The following DTNA variants were observed in gnomAD, a reference collection of about 807,000 sequenced individuals.
DTNA encodes the protein dystrobrevin alpha.
Under a neutral mutation model 100.7 loss-of-function variants are expected in DTNA, and 43 were observed. The ratio of observed to expected loss-of-function variants is 0.43; its 90% CI spans 0.33 to 0.55. The LOEUF is 0.55. DTNA is among the 20% of genes least tolerant of loss of function. The pLI, the probability that DTNA is intolerant of heterozygous loss-of-function variation, is 0.04. For synonymous variants in DTNA, 349 were observed against 347.9 expected, an observed-to-expected ratio of 1.00 and a Z score of -0.04; for missense variants, 798 against 953.9, an observed-to-expected ratio of 0.84 and a Z score of 2.15.
chr18:34,800,716 A>G lies in DTNA; in HGVS notation c.363-5503A>G, dbSNP rs77917936. 2.2e-3 allele frequency among the ~76,000 whole-genome samples: 331 copies of G among 152,354 alleles called. 1 individual carries two copies. The highest frequency in any genetic ancestry group is 3.9e-3 in the Non-Finnish European group (268 of 68,026). On this transcript the variant is annotated intron_variant, in intron 4 of 22. Coordinates refer to ENST00000444659, the MANE Select transcript of DTNA (RefSeq NM_001386795.1). The stretch of plus-strand genomic sequence containing the variant: ...TCTGTTTAAGAAAGAATCAGTCAGA[A>G]TTGAATCTTACTTAAAAGAACTTCA...
At chr18:34,621,205 T>A (rs1327954895) in intron 1 of DTNA, among the ~76,000 whole-genome samples, 1 of 148,602 alleles carries the variant, frequency 6.7e-6, no homozygotes, top group East Asian at 1.9e-4. Flanking sequence ...ATGTAATATA[T>A]GTACATATTG....
intron 17 of DTNA, among the ~76,000 whole-genome samples, chr18:34,865,385 G>A (rs902526255): frequency 6.7e-6 from 1 of 149,336 alleles, no homozygotes; most frequent in East Asian, 2.0e-4. Context: ...TTTTTTGAAA[G>A]CTACTTTGTC....
chr18:34,737,781 C>A (rs2089911868), intron 1 of DTNA: 1 of 152,160 alleles, frequency 6.6e-6, no homozygotes, highest in Admixed American at 6.6e-5. Context: ...AGCCACGTGA[C>A]CCGGCTGTAG....
chr18:34,755,911 A>G, intron 1 of DTNA, 65 bp from the exon 2 acceptor site: 1 of 1,423,064 alleles, frequency 7.0e-7, no homozygotes, highest in Non-Finnish European at 9.9e-7. Flanking sequence ...GTACGTTTAC[A>G]GAGAAATGGC....
In DTNA at chr18:34,820,834, T is replaced by C. The variant is rs2095696589; in HGVS notation, c.920T>C (p.Leu307Pro). Residue 307 changes from leucine to proline, a missense_variant, in exon 9 of 23, where the codon CTG becomes CCG. Leu to Pro is a moderately conservative substitution (Grantham distance 98). Transcript: ENST00000444659. ...KKLTNALSKS[L>P]SCASSREPLH... ...CTGACTAATGCATTAAGCAAGTCCC[T>C]GAGCTGTGCTTCCAGCCGTGAACCT... 6.2e-7 allele frequency: 1 copy of C among 1,614,068 alleles called. No homozygotes were observed. Among genetic ancestry groups the C allele is most frequent in the African/African-American group, 1.3e-5 (1 of 74,932 alleles).
intron 1 of DTNA, among the ~76,000 whole-genome samples, chr18:34,518,571 T>C (rs1201235519): frequency 1.3e-5 from 2 of 152,052 alleles, no homozygotes; most frequent in African/African-American, 4.8e-5. Flanking sequence ...AAGTCTATGA[T>C]CTATTTGGAG....
Position 34,882,180 on chromosome 18 carries a change from G to C in DTNA, c.2274G>C (p.Lys758Asn). The C allele has an allele frequency of 6.2e-7, 1 of 1,613,942 alleles. No homozygotes were observed. The highest frequency in any genetic ancestry group is 1.7e-4 in the Middle Eastern group (1 of 6,058). Residue 758 changes from lysine (K) to asparagine (N), a missense_variant, in exon 21 of 23, where the codon AAG becomes AAC. By Grantham distance (94) the Lys-to-Asn change is moderately conservative. Coordinates refer to ENST00000444659, the MANE Select transcript of DTNA (RefSeq NM_001386795.1). Reference protein sequence around the residue: ...ELQMEEYLKQKLQDEAYQVSL... With the variant: ...ELQMEEYLKQNLQDEAYQVSL... ...AGATGGAGGAATACCTGAAACAGAA[G>C]CTGCAAGATGAAGCTTATCAGGTAC...
intron 1 of DTNA, among the ~76,000 whole-genome samples, chr18:34,629,188 A>C (rs1043808516): frequency 6.6e-6 from 1 of 152,160 alleles, no homozygotes; most frequent in Non-Finnish European, 1.5e-5. Context: ...GCTTCAATTA[A>C]AACACAAAAA....
Position 34,890,018 on chromosome 18 carries a change from G to A in DTNA, c.*2284G>A, listed in dbSNP as rs572676041. ...ATAATGCTGTCAGCTCAAAATCATAGCCAGGTAGTTCTTGAACTCAGAACT... is the reference window on the plus strand; with the variant it reads ...ATAATGCTGTCAGCTCAAAATCATAACCAGGTAGTTCTTGAACTCAGAACT... On this transcript the variant is annotated 3_prime_UTR_variant, in exon 23 of 23. Coordinates refer to ENST00000444659, the MANE Select transcript of DTNA (RefSeq NM_001386795.1). 3.2e-5 allele frequency: 40 copies of A among 1,247,430 alleles called. No individual in the cohort carries two copies. The highest frequency in any genetic ancestry group is 3.9e-5 in the Non-Finnish European group (39 of 991,862). 77.3% of individuals were successfully genotyped at this position (1,247,430 alleles called of 1,614,324 possible).
chr18:34,873,333 C>T (rs558706067), intron 17 of DTNA, among the ~76,000 whole-genome samples: 19 of 152,288 alleles, frequency 1.2e-4, no homozygotes, highest in African/African-American at 3.9e-4. Flanking sequence ...TTCTCTAGTC[C>T]CCACTCCCGG....
chr18:34,638,794 C>T (rs1362778041), intron 1 of DTNA, among the ~76,000 whole-genome samples: 1 of 152,160 alleles, frequency 6.6e-6, no homozygotes, highest in Admixed American at 6.6e-5. Flanking sequence ...TCACATTTTA[C>T]ATCAGTATTT....
intron 4 of DTNA, among the ~76,000 whole-genome samples, chr18:34,796,941 C>CA (rs956959211): frequency 2.6e-5 from 4 of 151,942 alleles, no homozygotes; most frequent in Non-Finnish European, 5.9e-5. Flanking sequence ...CCTCTCCCAC[C>CA]AAAAAAACAT....
intron 4 of DTNA, among the ~76,000 whole-genome samples, chr18:34,799,648 T>G (rs1046833800): frequency 1.1e-4 from 16 of 152,240 alleles, no homozygotes; most frequent in African/African-American, 3.6e-4. Context: ...CATTCTCCTC[T>G]ACTAACTAAA....
At position 34,778,984 on chromosome 18, in the gene DTNA, A is replaced by AT. The variant is rs567464632; in HGVS notation, c.148+12954dup. ...AGGCGCCCGCCACCATGCCCAGCTA[A>AT]TTTTTTTTTTTGTATTTTTAATAGA... is the stretch of plus-strand genomic sequence containing the variant. On this transcript the variant is annotated intron_variant, in intron 3 of 22. Transcript: ENST00000444659. 2.2e-3 allele frequency among the ~76,000 whole-genome samples: 321 copies of AT among 147,402 alleles called. 1 individual carries two copies. The highest frequency in any genetic ancestry group is 4.9e-3 in the African/African-American group (197 of 40,194).
At chr18:34,641,449 C>A (rs1169119464) in intron 1 of DTNA, among the ~76,000 whole-genome samples, 5 of 152,218 alleles carry the variant, frequency 3.3e-5, no homozygotes, top group African/African-American at 1.2e-4. Flanking sequence ...CAGGCTAAAC[C>A]TTCCCCCTCT....
At chr18:34,606,323 A>C (rs2053098895) in intron 1 of DTNA, among the ~76,000 whole-genome samples, 1 of 152,184 alleles carries the variant, frequency 6.6e-6, no homozygotes, top group African/African-American at 2.4e-5. Context: ...ATATATTTTC[A>C]AAATACAAAT....
chr18:34,609,687 T>C (rs188219316), intron 1 of DTNA, among the ~76,000 whole-genome samples: 1 of 152,298 alleles, frequency 6.6e-6, no homozygotes, highest in East Asian at 1.9e-4. Flanking sequence ...TTATAACCCT[T>C]ATCTCATGAA....
At chr18:34,537,931 G>A (rs1360750374) in intron 1 of DTNA, among the ~76,000 whole-genome samples, 1 of 151,882 alleles carries the variant, frequency 6.6e-6, no homozygotes, top group African/African-American at 2.4e-5. Flanking sequence ...TCATTAGAGG[G>A]AAAATAACAA....
chr18:34,889,348 G>A lies in DTNA; in HGVS notation c.*1614G>A, dbSNP rs550254471. The A allele has an allele frequency of 4.4e-4, 433 of 982,510 alleles. No homozygotes were observed. Among genetic ancestry groups the A allele is most frequent in the Non-Finnish European group, 4.8e-4 (399 of 827,360 alleles). 60.9% of individuals were successfully genotyped at this position (982,510 alleles called of 1,614,324 possible). A position where few individuals can be genotyped will look rare whatever the true frequency, so the allele number is the denominator to read the frequency against. On this transcript the variant is annotated 3_prime_UTR_variant, in exon 23 of 23. Transcript: ENST00000444659. Reference sequence around the variant, plus strand: ...AGGCCTACTGAATCAGAAGCTCTGGGGGTTGGGTCCAGAAGTCTGTTTTAG... The same window carrying A: ...AGGCCTACTGAATCAGAAGCTCTGGAGGTTGGGTCCAGAAGTCTGTTTTAG...
Sources: allele counts gnomAD v4.1 joint callset (sites outside exome capture counted in the v4.1 genomes callset), GRCh38; gene constraint gnomAD v4.1.1; transcripts MANE v1.5; gene names NCBI Gene and HGNC (gene_info 2026-07-23, HGNC 2026-07-21).